ABHD2: variants seen among roughly 807,000 people sequenced by gnomAD.
The protein encoded by ABHD2 is monoacylglycerol lipase ABHD2.
In ABHD2, 20 loss-of-function variants were observed where a neutral mutation model predicts 48.1. The observed-to-expected ratio is 0.42, with a 90% CI of 0.29 to 0.60. The LOEUF is 0.60. Among genes scored for constraint, ABHD2 ranks in the 20% least tolerant of loss-of-function variants. The pLI, the probability that ABHD2 is intolerant of heterozygous loss-of-function variation, is 0.24. For synonymous variants in ABHD2, 209 were observed against 214.2 expected (o/e 0.98, Z 0.21); for missense variants, 405 against 550.9 (o/e 0.74, Z 2.65).
chr15:89,195,213 C>T lies in ABHD2; in HGVS notation c.1082-14C>T, dbSNP rs556387684. ...TAGAGAACAGTAACTCACTCAGCTG[C>T]GTTTCCCCTGCAGAGAAACGAGAGA... On this transcript the variant is annotated splice_polypyrimidine_tract_variant and intron_variant, in intron 10 of 10. Transcript: ENST00000352732. This position sits in a 1 kb window ranked among gnomAD's most constrained non-coding sequence, Gnocchi z 5.1. 8.1e-6 allele frequency: 13 copies of T among 1,609,798 alleles called. No individual in the cohort carries two copies. In the East Asian group the frequency reaches 1.1e-4, roughly 14 times the overall value.
rs1477240272 is a variant in ABHD2 at position 89,177,734 on chromosome 15, C to T, written c.722+1739C>T. Reference sequence around the variant, plus strand: ...GACTAGTAATATCCAACTCCCAGCTCATAGCCACGTGTAACCAGAATTAAC... The same window carrying T: ...GACTAGTAATATCCAACTCCCAGCTTATAGCCACGTGTAACCAGAATTAAC... On this transcript the variant is annotated intron_variant, in intron 6 of 10. Coordinates refer to ENST00000352732, the MANE Select transcript of ABHD2 (RefSeq NM_152924.5). This position sits in a 1 kb window ranked among gnomAD's most constrained non-coding sequence, Gnocchi z 5.6. Among the ~76,000 whole-genome samples the T allele has an allele frequency of 6.6e-6, 1 of 152,150 alleles. No homozygotes were observed. The highest frequency in any genetic ancestry group is 1.5e-5 in the Non-Finnish European group (1 of 68,038).
At position 89,166,610 on chromosome 15, in the gene ABHD2, G is replaced by C. The variant is rs1318994688; in HGVS notation, c.539-9202G>C. Among the ~76,000 whole-genome samples, 2 of 151,714 alleles carry C rather than the reference G, an allele frequency of 1.3e-5. No individual in the cohort carries two copies. Among genetic ancestry groups the C allele is most frequent in the East Asian group, 1.9e-4 (1 of 5,180 alleles). ...AAAACAAAAATTATCTCTTGGGCTG[G>C]GTACAGTGGCTCACACCTTTAATCA... On this transcript the variant is annotated intron_variant, in intron 5 of 10. Transcript: ENST00000352732. The surrounding 1 kb of genome is among the most constrained non-coding windows in gnomAD (Gnocchi z 4.6).
chr15:89,052,110 A>T, the ABHD2 span, among the ~76,000 whole-genome samples: 1 of 152,106 alleles, frequency 6.6e-6, no homozygotes, highest in South Asian at 2.1e-4. Flanking sequence ...ATGGAAACAG[A>T]TTTACTCCCA....
At position 89,176,050 on chromosome 15, in the gene ABHD2, T is replaced by C. The variant is rs2051007578; in HGVS notation, c.722+55T>C. The C allele has an allele frequency of 6.7e-7, 1 of 1,500,740 alleles. No homozygotes were observed. Among genetic ancestry groups the C allele is most frequent in the African/African-American group, 1.4e-5 (1 of 71,556 alleles). 93.0% of individuals were successfully genotyped at this position (1,500,740 alleles called of 1,614,324 possible). A position where few individuals can be genotyped will look rare whatever the true frequency, so the allele number is the denominator to read the frequency against. ...TTCAGTTAGCCCTTATTTATAGAGA[T>C]GCCCCGACGCACAACACACTGTTCT... On this transcript the variant is annotated intron_variant, in intron 6 of 10. Coordinates refer to ENST00000352732, the MANE Select transcript of ABHD2 (RefSeq NM_152924.5). This position sits in a 1 kb window ranked among gnomAD's most constrained non-coding sequence, Gnocchi z 4.5.
At chr15:89,078,512 G>A in the ABHD2 span, among the ~76,000 whole-genome samples, 10 of 152,248 alleles carry the variant, frequency 6.6e-5, no homozygotes, top group South Asian at 4.1e-4. Flanking sequence ...TACAAATGGC[G>A]CTATTATGAA....
chr15:89,141,569 G>A (rs2050403282), intron 3 of ABHD2, among the ~76,000 whole-genome samples: 1 of 152,182 alleles, frequency 6.6e-6, no homozygotes, highest in South Asian at 2.1e-4. Flanking sequence ...GGAGATGGAG[G>A]CTGCAGTGAG....
intron 6 of ABHD2, among the ~76,000 whole-genome samples, chr15:89,180,010 ATAT>A (rs1473576017): frequency 1.3e-5 from 2 of 152,248 alleles, no homozygotes; most frequent in East Asian, 3.8e-4. Flanking sequence ...GCAAAAGCAA[ATAT>A]TATTCATAAA....
chr15:89,169,059 C>T (rs553139943), intron 5 of ABHD2, among the ~76,000 whole-genome samples: 48 of 152,180 alleles, frequency 3.2e-4, no homozygotes, highest in Non-Finnish European at 5.7e-4. Flanking sequence ...TGCCACTGTA[C>T]TCCAGCCTAG....
chr15:89,182,555 G>A lies in ABHD2; in HGVS notation c.723-2869G>A, dbSNP rs2051130702. On this transcript the variant is annotated intron_variant, in intron 6 of 10. Coordinates refer to ENST00000352732, the MANE Select transcript of ABHD2 (RefSeq NM_152924.5). The surrounding 1 kb of genome is among the most constrained non-coding windows in gnomAD (Gnocchi z 4.8). ...AATTCCAACACTTTGGAAGGAGGCCGAGACCTAGAGATCACTTGAGGTCAG... is the reference window on the plus strand; with the variant it reads ...AATTCCAACACTTTGGAAGGAGGCCAAGACCTAGAGATCACTTGAGGTCAG... 6.6e-6 allele frequency among the ~76,000 whole-genome samples: 1 copy of A among 152,114 alleles called. No individual in the cohort carries two copies.
Position 89,155,557 on chromosome 15 carries a change from C to T in ABHD2, c.538+23C>T. The T allele has an allele frequency of 1.3e-6, 2 of 1,593,030 alleles. No individual in the cohort carries two copies. The highest frequency in any genetic ancestry group is 1.3e-5 in the African/African-American group (1 of 74,444). Reference sequence around the variant, plus strand: ...ATGGTAAGCATGGCTAAGTGGAGTCCTCCCTTTTTCTGCAAGTGTGCTACT... The same window carrying T: ...ATGGTAAGCATGGCTAAGTGGAGTCTTCCCTTTTTCTGCAAGTGTGCTACT... On this transcript the variant is annotated intron_variant, in intron 5 of 10. Coordinates refer to ENST00000352732, the MANE Select transcript of ABHD2 (RefSeq NM_152924.5). The surrounding 1 kb of genome is among the most constrained non-coding windows in gnomAD (Gnocchi z 4.9).
intron 3 of ABHD2, chr15:89,136,292 C>T (rs1213782654): frequency 6.8e-6 from 3 of 440,122 alleles, no homozygotes; most frequent in Non-Finnish European, 9.0e-6. Flanking sequence ...TCGTATGGGC[C>T]CTGTCTGCCT....
chr15:89,175,747 G>A lies in ABHD2; in HGVS notation c.539-65G>A, dbSNP rs2051000898. The A allele has an allele frequency of 1.6e-5, 25 of 1,573,050 alleles. No homozygotes were observed. The highest frequency in any genetic ancestry group is 2.0e-5 in the Non-Finnish European group (23 of 1,145,932). ...CTGGCACCCATTTAGTAACGTTCCAGCTTGCATTTTCTCCAGATAGGATGC... is the reference window on the plus strand; with the variant it reads ...CTGGCACCCATTTAGTAACGTTCCAACTTGCATTTTCTCCAGATAGGATGC... On this transcript the variant is annotated intron_variant, in intron 5 of 10. Coordinates refer to ENST00000352732, the MANE Select transcript of ABHD2 (RefSeq NM_152924.5). The surrounding 1 kb of genome is among the most constrained non-coding windows in gnomAD (Gnocchi z 5.7).
At chr15:89,183,378 AAAAAAAATATATATATATATATATAT>A (rs910060885) in intron 6 of ABHD2, 16 of 59,550 alleles carry the variant, frequency 2.7e-4, no homozygotes, top group African/African-American at 1.9e-3. Context: ...CAAAAAAAAA[AAAAAAAATATATATATATATATATAT>A]ATATATATAT....
rs34458230 is a variant in ABHD2 at position 89,152,077 on chromosome 15, G to GT, written c.370+241dup. ...GCTCTTCAGAACTCATTGTAGAATAGTTTTTTTTTTTTTTTTGAGACGGAG... is the reference window on the plus strand; with the variant it reads ...GCTCTTCAGAACTCATTGTAGAATAGTTTTTTTTTTTTTTTTTGAGACGGAG... On this transcript the variant is annotated intron_variant, in intron 4 of 10. Transcript: ENST00000352732. Among the ~76,000 whole-genome samples, 1,191 of 139,892 alleles carry GT rather than the reference G, an allele frequency of 8.5e-3. 13 individuals are homozygous for GT. The highest frequency in any genetic ancestry group is 0.023 in the South Asian group (97 of 4,278). The allele number at this position is 139,892 out of a possible 152,430, so 91.8% of individuals were successfully genotyped here.
chr15:89,111,745 T>C (rs293400), intron 1 of ABHD2, among the ~76,000 whole-genome samples: 66,495 of 152,086 alleles, frequency 0.44, 15,063 homozygotes, highest in African/African-American at 0.49. Flanking sequence ...ACCAGTCTTA[T>C]ACATTTCCAT....
chr15:89,118,360 G>A (rs1354014967), intron 3 of ABHD2, among the ~76,000 whole-genome samples: 1 of 151,916 alleles, frequency 6.6e-6, no homozygotes, highest in East Asian at 1.9e-4. Flanking sequence ...GTATTTTTTG[G>A]TAGAGACGGG....
chr15:89,056,317 G>A, the ABHD2 span, among the ~76,000 whole-genome samples: 3 of 152,272 alleles, frequency 2.0e-5, no homozygotes, highest in South Asian at 6.2e-4. Flanking sequence ...TATTTGCTTA[G>A]TTACAAGAAT....
Position 89,200,057 on chromosome 15 carries a change from G to C in ABHD2, c.*4634G>C, listed in dbSNP as rs765500576. ...GAGTAGACAGCTGCTCCTTTTGGAA[G>C]AGTCAGTCCCCTGTGTTTTCTGAAC... is the stretch of plus-strand genomic sequence containing the variant. On this transcript the variant is annotated 3_prime_UTR_variant, in exon 11 of 11. Transcript: ENST00000352732. 6 of 152,402 alleles carry C rather than the reference G, an allele frequency of 3.9e-5. No homozygotes were observed. The highest frequency in any genetic ancestry group is 7.3e-5 in the Non-Finnish European group (5 of 68,060). 9.4% of individuals were successfully genotyped at this position (152,402 alleles called of 1,614,324 possible).
chr15:89,150,430 G>T (rs2050572086), intron 3 of ABHD2, among the ~76,000 whole-genome samples: 1 of 152,144 alleles, frequency 6.6e-6, no homozygotes, highest in Non-Finnish European at 1.5e-5. Context: ...GCCTTCGCCT[G>T]CCTTCCAAAT....
Sources: gnomAD v4.1 joint callset for allele counts (sites outside exome capture counted in the v4.1 genomes callset) on GRCh38, gnomAD v4.1.1 for gene constraint, Gnocchi (gnomAD v3.1) non-coding constraint, MANE v1.5 for transcripts, NCBI Gene and HGNC (gene_info 2026-07-23, HGNC 2026-07-21) for gene names.